The following BARD1 variants were observed in gnomAD, a reference collection of about 807,000 sequenced individuals.
BARD1 encodes BRCA1 associated RING domain 1, also known as BRCA1-associated RING domain protein 1.
A neutral mutation model predicts 77.0 loss-of-function variants in BARD1; 73 were observed. The ratio of observed to expected loss-of-function variants is 0.95; its 90% confidence interval spans 0.79 to 1.15. BARD1 has a LOEUF of 1.15. Among genes scored for constraint, BARD1 ranks in the 50% most tolerant of loss-of-function variants. BARD1 has a pLI of 0.00. For missense variants in BARD1, 993 were observed against 938.8 expected (o/e 1.06, Z -0.75); for synonymous variants, 384 against 338.0 (o/e 1.14, Z -1.49).
chr2:214,792,987 T>C (rs1695602154), intron 2 of BARD1, among the ~76,000 whole-genome samples: 1 of 152,172 alleles, frequency 6.6e-6, no homozygotes, highest in African/African-American at 2.4e-5. Flanking sequence ...TTTCTAATTT[T>C]GGGGTTTATA....
chr2:214,792,201 C>A, intron 3 of BARD1, 96 bp downstream of exon 3: 18 of 1,113,060 alleles, frequency 1.6e-5, no homozygotes, highest in South Asian at 7.0e-5. Flanking sequence ...ATACGTATTC[C>A]AGAACTCCAG....
intron 9 of BARD1, among the ~76,000 whole-genome samples, chr2:214,734,546 A>T (rs1286483977): frequency 6.6e-6 from 1 of 152,092 alleles, no homozygotes; most frequent in East Asian, 1.9e-4. Flanking sequence ...TATGTTACCT[A>T]ATATTCATCC....
chr2:214,774,664 C>A (rs1400501755), intron 4 of BARD1, among the ~76,000 whole-genome samples: 2 of 152,206 alleles, frequency 1.3e-5, no homozygotes, highest in Non-Finnish European at 2.9e-5. Context: ...TAGCCCCTAA[C>A]AAGAAAGCCT....
intron 7 of BARD1, among the ~76,000 whole-genome samples, chr2:214,746,170 A>C (rs1453310782): frequency 6.6e-6 from 1 of 152,162 alleles, no homozygotes; most frequent in Admixed American, 6.5e-5. Flanking sequence ...GTAACTTAAA[A>C]TATCCACTTA....
chr2:214,802,577 T>C (rs2106156558), intron 1 of BARD1, among the ~76,000 whole-genome samples: 1 of 151,812 alleles, frequency 6.6e-6, no homozygotes, highest in South Asian at 2.1e-4. Flanking sequence ...CTTTCATTTT[T>C]TCTGAGCTCC....
chr2:214,745,848 T>C lies in BARD1; in HGVS notation c.1684A>G (p.Thr562Ala), dbSNP rs876659576. 1 of 1,614,020 alleles carries C rather than the reference T, an allele frequency of 6.2e-7. No homozygotes were observed. The highest frequency in any genetic ancestry group is 1.7e-5 in the Admixed American group (1 of 60,010). ...AGAGGTCCATCCCTACGCTGCCCAG[T>C]GTTCATCTGTTAATATAAAAGGAGA... Reference protein sequence around the residue: ...SSASHCSVMNTGQRRDGPLVL... With the variant: ...SSASHCSVMNAGQRRDGPLVL... The change falls in exon 8 of 11, where the codon ACT (threonine) becomes GCT (alanine). Residue 562 changes from threonine to alanine, a missense_variant. Coordinates refer to ENST00000260947, the MANE Select transcript of BARD1 (RefSeq NM_000465.4).
At chr2:214,747,146 C>G (rs1693161062) in intron 7 of BARD1, among the ~76,000 whole-genome samples, 1 of 151,616 alleles carries the variant, frequency 6.6e-6, no homozygotes, top group Non-Finnish European at 1.5e-5. Flanking sequence ...CAAATCAAAA[C>G]CACAGTGAGA....
intron 6 of BARD1, among the ~76,000 whole-genome samples, chr2:214,757,574 G>A (rs571108135): frequency 2.6e-5 from 4 of 152,176 alleles, no homozygotes; most frequent in African/African-American, 9.6e-5. Context: ...TATATCAGAA[G>A]TAGCAATAAT....
chr2:214,758,221 T>C (rs906783854), intron 6 of BARD1, among the ~76,000 whole-genome samples: 5 of 152,190 alleles, frequency 3.3e-5, no homozygotes, highest in Admixed American at 2.6e-4. Context: ...AAAAGTCTTA[T>C]GACTTTACAC....
chr2:214,767,714 T>C, intron 5 of BARD1, 60 bp from the exon 6 acceptor site: 3 of 1,454,920 alleles, frequency 2.1e-6, no homozygotes, highest in Non-Finnish European at 2.9e-6. Context: ...ATGGATGATA[T>C]TATAATATCA....
rs185900199 is a variant in BARD1 at position 214,809,053 on chromosome 2, C to A, written c.158+359G>T. Among the ~76,000 whole-genome samples the A allele has an allele frequency of 2.9e-3, 447 of 152,286 alleles. 1 individual carries two copies. The highest frequency in any genetic ancestry group is 4.1e-3 in the Non-Finnish European group (280 of 68,016). On this transcript the variant is annotated intron_variant, in intron 1 of 10. Transcript: ENST00000260947. ...CGGAAAGCAGCGGGGTAATCCAGGG[C>A]CGGGTAAAAAATGCAGAAGCCTCAG...
intron 8 of BARD1, 83 bp from the exon 9 acceptor site, chr2:214,745,242 T>G: frequency 8.3e-7 from 1 of 1,203,190 alleles, no homozygotes; most frequent in Non-Finnish European, 1.2e-6. Context: ...CTCATCTATA[T>G]TTTGTAAGCT....
At chr2:214,798,989 T>C (rs1351685292) in intron 1 of BARD1, among the ~76,000 whole-genome samples, 1 of 152,018 alleles carries the variant, frequency 6.6e-6, no homozygotes, top group East Asian at 1.9e-4. Flanking sequence ...TGGTGGTGCA[T>C]GTCTGTAATG....
chr2:214,729,258 G>C (rs898312636), intron 10 of BARD1, among the ~76,000 whole-genome samples: 1 of 152,146 alleles, frequency 6.6e-6, no homozygotes, highest in African/African-American at 2.4e-5. Flanking sequence ...CACATAGCCT[G>C]AAGTAATTTT....
intron 3 of BARD1, among the ~76,000 whole-genome samples, chr2:214,789,549 A>T (rs1695422878): frequency 6.6e-6 from 1 of 152,070 alleles, no homozygotes; most frequent in East Asian, 1.9e-4. Context: ...TGTCTGTCTC[A>T]AAATAAATAA....
chr2:214,765,513 A>C (rs1191218467), intron 6 of BARD1, among the ~76,000 whole-genome samples: 1 of 152,234 alleles, frequency 6.6e-6, no homozygotes, highest in Admixed American at 6.5e-5. Flanking sequence ...CTATACAGTC[A>C]GTAATGGAGT....
chr2:214,768,884 C>G (rs902494807), intron 5 of BARD1, among the ~76,000 whole-genome samples: 1 of 152,168 alleles, frequency 6.6e-6, no homozygotes, highest in Admixed American at 6.5e-5. Context: ...TCAGTTCCTC[C>G]GACCTCTTTT....
At chr2:214,792,157 A>G (rs1259621131) in intron 3 of BARD1, 140 bp downstream of exon 3, 1 of 932,276 alleles carries the variant, frequency 1.1e-6, no homozygotes, top group South Asian at 2.0e-5. Context: ...ATTTAAAAAA[A>G]AAAAAAAAAA....
intron 6 of BARD1, 42 bp from the exon 7 acceptor site, chr2:214,752,597 G>T: frequency 7.0e-7 from 1 of 1,429,914 alleles, no homozygotes; most frequent in Non-Finnish European, 9.9e-7. Context: ...AGTCAAATGT[G>T]TGACTCGACT....
Sources: allele counts gnomAD v4.1 joint callset (sites outside exome capture counted in the v4.1 genomes callset), GRCh38; gene constraint gnomAD v4.1.1; transcripts MANE v1.5; gene names NCBI Gene and HGNC (gene_info 2026-07-23, HGNC 2026-07-21).